LRCH2: variants seen among roughly 807,000 people sequenced by gnomAD.
LRCH2 encodes leucine-rich repeat and calponin homology domain-containing protein 2.
In LRCH2, 38 loss-of-function variants were observed where a neutral mutation model predicts 68.9. The ratio of observed to expected loss-of-function variants is 0.55; its 90% CI spans 0.43 to 0.72. The LOEUF (loss-of-function observed/expected upper bound fraction) is 0.72. Among genes scored for constraint, LRCH2 ranks in the 30% least tolerant of loss-of-function variants. The probability of loss-of-function intolerance (pLI) is 0.00; values close to 1 mark genes in which losing one functional copy is unlikely to be tolerated. For synonymous variants in LRCH2, 191 were observed against 208.1 expected (o/e 0.92, Z 0.71); for missense variants, 528 against 572.9 (o/e 0.92, Z 0.80).
At chrX:115,232,727 G>A (rs782676875) in intron 1 of LRCH2, among the ~76,000 whole-genome samples, 31 of 111,473 alleles carry the variant, frequency 2.8e-4, no homozygotes, top group Admixed American at 2.4e-3. Flanking sequence ...TTTCAGCAAA[G>A]CAGATGAAAA....
intron 1 of LRCH2, among the ~76,000 whole-genome samples, chrX:115,197,117 CATT>C (rs1446822289): frequency 9.0e-6 from 1 of 111,542 alleles, no homozygotes; most frequent in Non-Finnish European, 1.9e-5. Context: ...CAACGAACAT[CATT>C]GTCATATCTT....
At position 115,189,892 on chromosome X, in the gene LRCH2, G is replaced by A. The variant is rs782260397; in HGVS notation, c.350-1522C>T. ...CAGGGCCCCGATGCCCAGGAAGCGC[G>A]GGCCGCCACCGCGGCACTGGGCCAG... On this transcript the variant is annotated intron_variant, in intron 1 of 20. Coordinates refer to ENST00000317135, the MANE Select transcript of LRCH2 (RefSeq NM_020871.4). The A allele has an allele frequency of 2.1e-5, 24 of 1,161,776 alleles. No homozygotes were observed. The highest frequency in any genetic ancestry group is 9.8e-5 in the East Asian group (3 of 30,577).
chrX:115,188,355 C>T lies in LRCH2; in HGVS notation c.365G>A (p.Arg122His). Reference protein sequence around the residue: ...DTTQADLSRNRFTEIPSDVWL... With the variant: ...DTTQADLSRNHFTEIPSDVWL... ...GACATCAGAAGGAATTTCTGTAAAA[C>T]GATTTCTGGAAAGATCTGAAAAGAA... The change falls in exon 2 of 21, where the codon CGT (arginine) becomes CAT (histidine). Residue 122 changes from arginine to histidine, a missense_variant. Coordinates refer to ENST00000317135, the MANE Select transcript of LRCH2 (RefSeq NM_020871.4). The T allele has an allele frequency of 8.5e-7, 1 of 1,181,235 alleles. No individual in the cohort carries two copies. The highest frequency in any genetic ancestry group is 1.1e-6 in the Non-Finnish European group (1 of 880,495).
intron 10 of LRCH2, among the ~76,000 whole-genome samples, chrX:115,164,143 A>T (rs2147387221): frequency 9.0e-6 from 1 of 111,707 alleles, no homozygotes; most frequent in South Asian, 3.7e-4. Flanking sequence ...TAATACATAA[A>T]TTTAAAATAT....
intron 2 of LRCH2, 116 bp from the exon 3 acceptor site, chrX:115,184,653 G>C: frequency 1.5e-6 from 1 of 662,161 alleles, no homozygotes; most frequent in Non-Finnish European, 2.1e-6. Flanking sequence ...AACTTAATAA[G>C]TACTTGCTGA....
chrX:115,118,823 A>T (rs1344332228), intron 20 of LRCH2, among the ~76,000 whole-genome samples: 184 of 110,401 alleles, frequency 1.7e-3, no homozygotes, highest in African/African-American at 5.6e-3. Flanking sequence ...ATCCACCATG[A>T]TCAAGTGGGC....
At chrX:115,161,805 T>A (rs1389460849) in intron 11 of LRCH2, among the ~76,000 whole-genome samples, 1 of 111,175 alleles carries the variant, frequency 9.0e-6, no homozygotes, top group Non-Finnish European at 1.9e-5. Flanking sequence ...CATGGATAGA[T>A]GAAAAACTAA....
chrX:115,178,827 A>G (rs112292612), intron 5 of LRCH2, among the ~76,000 whole-genome samples: 3 of 112,381 alleles, frequency 2.7e-5, no homozygotes, highest in African/African-American at 9.7e-5. Flanking sequence ...CCTCAGCCAA[A>G]TAATTTTGGG....
At chrX:115,129,384 C>T (rs782138763) in intron 15 of LRCH2, among the ~76,000 whole-genome samples, 26 of 111,347 alleles carry the variant, frequency 2.3e-4, no homozygotes, top group African/African-American at 7.8e-4. Context: ...CATACCCATA[C>T]AAAACATGTA....
At chrX:115,165,736 T>C in intron 8 of LRCH2, 81 bp from the exon 9 acceptor site, 1 of 938,569 alleles carries the variant, frequency 1.1e-6, no homozygotes. Flanking sequence ...AAAATGTGTA[T>C]TTTCTCAATG....
In LRCH2 at chrX:115,191,438, G is replaced by A. The variant is rs928567139; in HGVS notation, c.350-3068C>T. The A allele has an allele frequency of 1.6e-5, 18 of 1,150,209 alleles. No homozygotes were observed. Among genetic ancestry groups the A allele is most frequent in the Non-Finnish European group, 2.0e-5 (17 of 864,747 alleles). 94.8% of individuals were successfully genotyped at this position (1,150,209 alleles called of 1,213,427 possible). A position where few individuals can be genotyped will look rare whatever the true frequency, so the allele number is the denominator to read the frequency against. The stretch of plus-strand genomic sequence containing the variant: ...GGCCAGAGCAACTGCTACGGAGGAG[G>A]AGGCCGCTACGAGGAGTACCGAGGC... On this transcript the variant is annotated intron_variant, in intron 1 of 20. Coordinates refer to ENST00000317135, the MANE Select transcript of LRCH2 (RefSeq NM_020871.4).
chrX:115,210,961 G>A (rs889330234), intron 1 of LRCH2, among the ~76,000 whole-genome samples: 16 of 111,815 alleles, frequency 1.4e-4, no homozygotes, highest in African/African-American at 4.2e-4. Flanking sequence ...GTATTTACCC[G>A]ATGCCTGTAT....
At chrX:115,228,368 T>A (rs2073132778) in intron 1 of LRCH2, among the ~76,000 whole-genome samples, 1 of 110,812 alleles carries the variant, frequency 9.0e-6, no homozygotes, top group Admixed American at 9.7e-5. Flanking sequence ...AAAAGAAAAC[T>A]AAAATATTTC....
intron 1 of LRCH2, among the ~76,000 whole-genome samples, chrX:115,201,247 C>T (rs1364356757): frequency 8.9e-6 from 1 of 111,830 alleles, no homozygotes. Flanking sequence ...ATCCCTTACA[C>T]AACACATAGG....
intron 1 of LRCH2, among the ~76,000 whole-genome samples, chrX:115,228,785 C>T (rs782037417): frequency 9.0e-6 from 1 of 111,590 alleles, no homozygotes; most frequent in Admixed American, 9.6e-5. Context: ...ACCTGTCATG[C>T]AACAAATACC....
chrX:115,170,575 T>C, intron 5 of LRCH2, 143 bp from the exon 6 acceptor site: 1 of 562,511 alleles, frequency 1.8e-6, no homozygotes, highest in Non-Finnish European at 2.5e-6. Context: ...TTTGTACTTC[T>C]GACACCAGGT....
At chrX:115,222,877 T>C (rs2073094503) in intron 1 of LRCH2, among the ~76,000 whole-genome samples, 1 of 111,581 alleles carries the variant, frequency 9.0e-6, no homozygotes, top group African/African-American at 3.3e-5. Flanking sequence ...GGTCCCAGAA[T>C]AGCCCCAAAA....
At chrX:115,165,766 A>C in intron 8 of LRCH2, 75 bp downstream of exon 8, 1 of 957,003 alleles carries the variant, frequency 1.0e-6, no homozygotes, top group South Asian at 2.3e-5. Flanking sequence ...GCTAAAGACA[A>C]TATAATTTTT....
At chrX:115,189,080 T>C (rs999468897) in intron 1 of LRCH2, among the ~76,000 whole-genome samples, 12 of 111,752 alleles carry the variant, frequency 1.1e-4, no homozygotes, top group African/African-American at 3.9e-4. Context: ...ATGGACTTCT[T>C]AACCCACTGC....
Sources: allele counts gnomAD v4.1 joint callset (sites outside exome capture counted in the v4.1 genomes callset), GRCh38; gene constraint gnomAD v4.1.1; transcripts MANE v1.5; gene names NCBI Gene and HGNC (gene_info 2026-07-23, HGNC 2026-07-21).